DAB1: variants seen among roughly 807,000 people sequenced by gnomAD.
DAB1 encodes disabled homolog 1.
DAB1 carries 15 observed loss-of-function variants against 64.6 expected under a neutral mutation model. The ratio of observed to expected loss-of-function variants is 0.23; its 90% CI spans 0.16 to 0.36. The LOEUF (loss-of-function observed/expected upper bound fraction) is 0.36, where lower values mean the gene tolerates loss of function less well. DAB1 is among the 10% of genes least tolerant of loss of function. The pLI, the probability that DAB1 is intolerant of heterozygous loss-of-function variation, is 1.00. For missense variants in DAB1, 596 were observed against 706.7 expected, an observed-to-expected ratio of 0.84 and a Z score of 1.78; for synonymous variants, 235 against 251.9, an observed-to-expected ratio of 0.93 and a Z score of 0.64.
chr1:58,412,255 G>C (rs1381527381), intron 3 of DAB1, among the ~76,000 whole-genome samples: 1 of 152,200 alleles, frequency 6.6e-6, no homozygotes, highest in African/African-American at 2.4e-5. Context: ...CCATAAGATG[G>C]CAAGAGAGAC....
At chr1:57,395,215 G>A (rs1450085301) in intron 1 of DAB1, among the ~76,000 whole-genome samples, 1 of 152,020 alleles carries the variant, frequency 6.6e-6, no homozygotes, top group Non-Finnish European at 1.5e-5. Flanking sequence ...TAGTAGAGAC[G>A]GGGTTTCGCC....
chr1:57,002,156 G>A (rs894275559), intron 14 of DAB1, among the ~76,000 whole-genome samples: 3 of 152,108 alleles, frequency 2.0e-5, no homozygotes, highest in Non-Finnish European at 4.4e-5. Flanking sequence ...GAAACCATAT[G>A]GTAAAACCTA....
intron 14 of DAB1, among the ~76,000 whole-genome samples, chr1:57,007,960 C>A (rs1193517799): frequency 6.6e-6 from 1 of 152,222 alleles, no homozygotes; most frequent in African/African-American, 2.4e-5. Flanking sequence ...CCCAGAATGG[C>A]TCTCCCAGAC....
intron 7 of DAB1, among the ~76,000 whole-genome samples, chr1:57,629,038 G>T (rs750216295): frequency 4.5e-4 from 68 of 152,202 alleles, no homozygotes; most frequent in Admixed American, 8.5e-4. Context: ...GTTTAAAAGA[G>T]TTCTTACAGT....
chr1:57,943,342 T>C (rs1645131078), intron 5 of DAB1, among the ~76,000 whole-genome samples: 1 of 152,190 alleles, frequency 6.6e-6, no homozygotes, highest in Non-Finnish European at 1.5e-5. Context: ...ACACAAGCTG[T>C]TATTAATTGA....
intron 4 of DAB1, among the ~76,000 whole-genome samples, chr1:58,333,276 G>C (rs1169571207): frequency 6.6e-6 from 1 of 152,144 alleles, no homozygotes; most frequent in East Asian, 1.9e-4. Context: ...AGTGGTAGGG[G>C]AGGAATCACG....
At chr1:57,741,495 A>G (rs978405676) in intron 6 of DAB1, among the ~76,000 whole-genome samples, 6 of 152,188 alleles carry the variant, frequency 3.9e-5, no homozygotes, top group Non-Finnish European at 7.4e-5. Context: ...CACAGCCACT[A>G]TACCATACTG....
In DAB1 at chr1:57,566,807, C is replaced by T. The variant is rs184863794; in HGVS notation, n.625+82785G>A. ...TAATAGCCTACCAACCAAAAAAAGT[C>T]CAGGACCAGACGAATTCACAGCCGA... On this transcript the variant is annotated intron_variant and non_coding_transcript_variant, in intron 7 of 20. Coordinates refer to the DAB1 transcript ENST00000485760. Among the ~76,000 whole-genome samples the T allele has an allele frequency of 3.6e-4, 55 of 152,196 alleles. No individual in the cohort carries two copies. In the East Asian group the frequency reaches 0.01, roughly 28 times the overall value.
At chr1:58,025,153 C>T (rs2100463036) in intron 5 of DAB1, among the ~76,000 whole-genome samples, 1 of 151,820 alleles carries the variant, frequency 6.6e-6, no homozygotes. Context: ...TTCTGTTTCT[C>T]TGGAGAACCC....
At chr1:57,527,404 C>T (rs2101403278) in intron 7 of DAB1, among the ~76,000 whole-genome samples, 1 of 152,242 alleles carries the variant, frequency 6.6e-6, no homozygotes, top group East Asian at 1.9e-4. Flanking sequence ...AAGTATGCAA[C>T]ACACATTTTC....
intron 5 of DAB1, among the ~76,000 whole-genome samples, chr1:57,933,325 G>T (rs1046004192): frequency 4.6e-5 from 7 of 152,232 alleles, no homozygotes; most frequent in Non-Finnish European, 8.8e-5. Flanking sequence ...GATATAAGAA[G>T]AGTTGCTGAT....
chr1:58,463,628 A>G (rs1285929345), intron 3 of DAB1, among the ~76,000 whole-genome samples: 1 of 152,196 alleles, frequency 6.6e-6, no homozygotes, highest in Admixed American at 6.5e-5. Flanking sequence ...CTGTGTGTAC[A>G]TGTATCTACG....
intron 4 of DAB1, among the ~76,000 whole-genome samples, chr1:58,251,299 A>T (rs1454078630): frequency 6.6e-6 from 1 of 152,250 alleles, no homozygotes; most frequent in Non-Finnish European, 1.5e-5. Flanking sequence ...GAGGAGCAGA[A>T]CATTCAAAAG....
intron 1 of DAB1, among the ~76,000 whole-genome samples, chr1:57,304,358 A>G (rs556370016): frequency 1.5e-5 from 1 of 67,140 alleles, no homozygotes; most frequent in African/African-American, 5.7e-5. Context: ...ACCTCCCACC[A>G]GGCCCCACCT....
chr1:58,462,220 G>A (rs983578995), intron 3 of DAB1, among the ~76,000 whole-genome samples: 1 of 146,040 alleles, frequency 6.8e-6, no homozygotes, highest in African/African-American at 2.5e-5. Flanking sequence ...TCCGCTTCCC[G>A]GGTTCACGCC....
intron 4 of DAB1, among the ~76,000 whole-genome samples, chr1:58,323,035 A>T (rs1285938467): frequency 6.6e-6 from 1 of 151,580 alleles, no homozygotes; most frequent in Non-Finnish European, 1.5e-5. Flanking sequence ...GTTCGAACAG[A>T]ATAATGAGAA....
intron 4 of DAB1, among the ~76,000 whole-genome samples, chr1:58,296,209 GAAAGAA>G (rs1661983126): frequency 3.0e-5 from 4 of 132,064 alleles, no homozygotes. Context: ...AAGAAAGAAA[GAAAGAA>G]AGAAAGAAAG....
Position 57,070,876 on chromosome 1 carries a change from A to G in DAB1, c.597+147T>C, listed in dbSNP as rs534967456. On this transcript the variant is annotated intron_variant, in intron 7 of 14. Transcript: ENST00000371236. The stretch of plus-strand genomic sequence containing the variant: ...AGTTTTTATGGAAATTTGCTCCTGG[A>G]GGGGCTGGCAGCCCTCACCCTCAGA... 547 of 721,800 alleles carry G rather than the reference A, an allele frequency of 7.6e-4. 6 individuals carry two copies. The South Asian group carries it at 8.7e-3, about 12-fold the overall frequency. 44.7% of individuals were successfully genotyped at this position (721,800 alleles called of 1,614,324 possible).
intron 1 of DAB1, among the ~76,000 whole-genome samples, chr1:57,859,335 A>C (rs1243967030): frequency 3.3e-5 from 5 of 152,084 alleles, no homozygotes; most frequent in African/African-American, 1.2e-4. Context: ...TATCCCTCTG[A>C]CTATATGTTA....
Sources: allele counts gnomAD v4.1 joint callset (sites outside exome capture counted in the v4.1 genomes callset), GRCh38; gene constraint gnomAD v4.1.1; transcripts MANE v1.5; gene names NCBI Gene and HGNC (gene_info 2026-07-23, HGNC 2026-07-21).